SORCS2: variants seen among roughly 807,000 people sequenced by gnomAD.
SORCS2 encodes the protein VPS10 domain-containing receptor SorCS2.
A neutral mutation model predicts 141.6 loss-of-function variants in SORCS2; 100 were observed. The observed-to-expected ratio is 0.71, with a 90% CI of 0.60 to 0.83. SORCS2 has a LOEUF of 0.83. Ranked by LOEUF, SORCS2 falls within the 40% of genes least tolerant of loss-of-function variation. SORCS2 has a pLI of 0.00. For missense variants in SORCS2, 1,646 were observed against 1,560.2 expected (o/e 1.05, Z -0.93); for synonymous variants, 789 against 676.9 (o/e 1.17, Z -2.57).
intron 2 of SORCS2, among the ~76,000 whole-genome samples, chr4:7,406,265 AT>A (rs1472706232): frequency 1.3e-5 from 2 of 150,380 alleles, no homozygotes; most frequent in Non-Finnish European, 3.0e-5. Flanking sequence ...GTTTGGAAGT[AT>A]TCCCTCCTCT....
chr4:7,228,753 G>A (rs1711587228), intron 1 of SORCS2, among the ~76,000 whole-genome samples: 1 of 152,258 alleles, frequency 6.6e-6, no homozygotes, highest in Non-Finnish European at 1.5e-5. Flanking sequence ...CTGCTCTGGG[G>A]CTGCTGTGGC....
In SORCS2 at chr4:7,434,754, C is replaced by T. The variant is rs977780035; in HGVS notation, c.548+38399C>T. 1.9e-6 allele frequency: 3 copies of T among 1,613,000 alleles called. No homozygotes were observed. The African/African-American group carries it at 4.0e-5, about 22-fold the overall frequency. ...CTTGGCAGTACCCCACAGCCCCGCACCTGGCAGCTGTCTGCAGATCCTGAC... is the reference window on the plus strand; with the variant it reads ...CTTGGCAGTACCCCACAGCCCCGCATCTGGCAGCTGTCTGCAGATCCTGAC... On this transcript the variant is annotated intron_variant, in intron 2 of 26. Transcript: ENST00000507866.
At position 7,699,836 on chromosome 4, in the gene SORCS2, C is replaced by T. The variant is rs61550298; in HGVS notation, c.1668+2562C>T. Reference sequence around the variant, plus strand: ...GATGTTCCCCGAGACAGAGAGCTCACTCCTTCCTGGAGGGGAGCCCTTTGC... The same window carrying T: ...GATGTTCCCCGAGACAGAGAGCTCATTCCTTCCTGGAGGGGAGCCCTTTGC... On this transcript the variant is annotated intron_variant, in intron 12 of 26. Coordinates refer to ENST00000507866, the MANE Select transcript of SORCS2 (RefSeq NM_020777.3). 2.5e-3 allele frequency among the ~76,000 whole-genome samples: 383 copies of T among 152,340 alleles called. 10 individuals carry two copies. The East Asian group carries it at 0.066, about 26-fold the overall frequency.
intron 2 of SORCS2, among the ~76,000 whole-genome samples, chr4:7,482,594 C>G (rs1730714535): frequency 1.1e-5 from 1 of 91,512 alleles, no homozygotes; most frequent in Non-Finnish European, 2.1e-5. Context: ...ACACCCCTGG[C>G]TGCTGTTCAG....
At chr4:7,731,566 G>A (rs539688798) in intron 23 of SORCS2, among the ~76,000 whole-genome samples, 1 of 152,296 alleles carries the variant, frequency 6.6e-6, no homozygotes, top group Admixed American at 6.5e-5. Flanking sequence ...ACTTCACAAT[G>A]CGTTACAAAG....
chr4:7,380,949 GCA>G (rs1722950799), intron 1 of SORCS2, among the ~76,000 whole-genome samples: 2 of 152,090 alleles, frequency 1.3e-5, no homozygotes, highest in African/African-American at 2.4e-5. Context: ...GGGTGTGGTG[GCA>G]GGTGCCTGTA....
chr4:7,704,786 C>T (rs1725311542), intron 14 of SORCS2, among the ~76,000 whole-genome samples: 1 of 152,174 alleles, frequency 6.6e-6, no homozygotes, highest in Non-Finnish European at 1.5e-5. Context: ...ATGCGGCGTT[C>T]GACTGCACCG....
At chr4:7,207,070 C>T (rs1365126062) in intron 1 of SORCS2, among the ~76,000 whole-genome samples, 3 of 152,192 alleles carry the variant, frequency 2.0e-5, no homozygotes, top group Non-Finnish European at 4.4e-5. Flanking sequence ...CTAACGTGCT[C>T]ATCCATCCAT....
intron 1 of SORCS2, among the ~76,000 whole-genome samples, chr4:7,296,521 A>G (rs1717068043): frequency 6.6e-6 from 1 of 151,944 alleles, no homozygotes; most frequent in Non-Finnish European, 1.5e-5. Context: ...CTCCCCACCC[A>G]CCCCACCAAG....
chr4:7,585,277 T>A (rs1338175091), intron 3 of SORCS2, among the ~76,000 whole-genome samples: 1 of 152,168 alleles, frequency 6.6e-6, no homozygotes, highest in Non-Finnish European at 1.5e-5. Flanking sequence ...GCTAAAACCG[T>A]CAGCTCTAGT....
chr4:7,291,599 A>C (rs1443518216), intron 1 of SORCS2, among the ~76,000 whole-genome samples: 1 of 152,070 alleles, frequency 6.6e-6, no homozygotes, highest in Non-Finnish European at 1.5e-5. Flanking sequence ...CGTGAGCGTC[A>C]GTGCTCGGTC....
chr4:7,434,137 C>A, intron 2 of SORCS2: 1 of 1,613,626 alleles, frequency 6.2e-7, no homozygotes. Flanking sequence ...CCCCTTCCTG[C>A]AGAGCTCCTG....
At chr4:7,584,709 G>C (rs987481938) in intron 3 of SORCS2, among the ~76,000 whole-genome samples, 1 of 152,160 alleles carries the variant, frequency 6.6e-6, no homozygotes, top group Non-Finnish European at 1.5e-5. Flanking sequence ...GGCTCAGCTG[G>C]GGGGAGGTTG....
At chr4:7,725,428 C>A in intron 20 of SORCS2, 141 bp downstream of exon 20, 2 of 1,257,338 alleles carry the variant, frequency 1.6e-6, no homozygotes, top group Non-Finnish European at 2.1e-6. Context: ...CCTCCTGGGG[C>A]AGTTGAGAGG....
chr4:7,724,227 A>T (rs1309817803), intron 19 of SORCS2, among the ~76,000 whole-genome samples: 3 of 138,276 alleles, frequency 2.2e-5, no homozygotes, highest in Non-Finnish European at 4.6e-5. Flanking sequence ...ATTATAGTGG[A>T]GGTGGTAGTG....
intron 3 of SORCS2, among the ~76,000 whole-genome samples, chr4:7,570,311 G>A (rs1046801962): frequency 6.6e-6 from 1 of 152,212 alleles, no homozygotes; most frequent in Non-Finnish European, 1.5e-5. Context: ...TGTACTCACA[G>A]CCTCGAGGCA....
intron 1 of SORCS2, among the ~76,000 whole-genome samples, chr4:7,307,153 C>T (rs1275943764): frequency 1.3e-5 from 2 of 152,186 alleles, no homozygotes; most frequent in South Asian, 4.1e-4. Flanking sequence ...CTGAAGGCGA[C>T]GCCAGCCTCA....
At chr4:7,421,000 C>G (rs550817825) in intron 2 of SORCS2, among the ~76,000 whole-genome samples, 3 of 152,240 alleles carry the variant, frequency 2.0e-5, no homozygotes, top group Non-Finnish European at 4.4e-5. Flanking sequence ...TGTTTGCCAT[C>G]ACTGGTGTTT....
intron 1 of SORCS2, among the ~76,000 whole-genome samples, chr4:7,238,685 G>C (rs1712466061): frequency 6.6e-6 from 1 of 152,208 alleles, no homozygotes; most frequent in Non-Finnish European, 1.5e-5. Context: ...TTAGGAGCGT[G>C]AGCTGCTGCC....
Sources: gnomAD v4.1 joint callset for allele counts (sites outside exome capture counted in the v4.1 genomes callset) on GRCh38, gnomAD v4.1.1 for gene constraint, MANE v1.5 for transcripts, NCBI Gene and HGNC (gene_info 2026-07-23, HGNC 2026-07-21) for gene names.